The following SLC30A8 variants were observed in gnomAD, a reference collection of about 807,000 sequenced individuals.
SLC30A8 encodes solute carrier family 30 member 8.
Under a neutral mutation model 36.9 loss-of-function variants are expected in SLC30A8, and 27 were observed. That is an observed-to-expected ratio of 0.73 (90% CI 0.54 to 1.01). The LOEUF is 1.01. Among genes scored for constraint, SLC30A8 ranks in the 50% least tolerant of loss-of-function variants. The probability of loss-of-function intolerance (pLI) is 0.00; values close to 1 mark genes in which losing one functional copy is unlikely to be tolerated. For missense variants in SLC30A8, 439 were observed against 452.0 expected (o/e 0.97, Z 0.26); for synonymous variants, 164 against 172.4 (o/e 0.95, Z 0.38).
chr8:117,050,408 CT>C (rs35839871), intron 2 of SLC30A8, among the ~76,000 whole-genome samples: 387 of 143,822 alleles, frequency 2.7e-3, no homozygotes, highest in East Asian at 2.7e-3. Flanking sequence ...TGATTTCTTT[CT>C]TTTTTTTTTT....
chr8:117,121,760 G>T (rs1397469951), intron 2 of SLC30A8, among the ~76,000 whole-genome samples: 2 of 151,966 alleles, frequency 1.3e-5, no homozygotes, highest in Non-Finnish European at 2.9e-5. Flanking sequence ...AATACTGCAT[G>T]ATTCCATTCA....
In SLC30A8 at chr8:117,136,551, A is replaced by G. The variant is rs185870139; in HGVS notation, c.71+1153A>G. Among the ~76,000 whole-genome samples the G allele has an allele frequency of 6.5e-3, 992 of 152,146 alleles. 8 individuals are homozygous for G. Among genetic ancestry groups the G allele is most frequent in the Non-Finnish European group, 0.01 (712 of 67,934 alleles). ...TAGTAACAGCAAAGAGATTTTATAA[A>G]AAGGATATTTATAACTTGGCTTAAA... On this transcript the variant is annotated intron_variant, in intron 1 of 7. Coordinates refer to ENST00000456015, the MANE Select transcript of SLC30A8 (RefSeq NM_173851.3).
intron 2 of SLC30A8, among the ~76,000 whole-genome samples, chr8:117,070,817 ATAAG>A (rs1318881131): frequency 6.6e-6 from 1 of 152,222 alleles, no homozygotes; most frequent in Admixed American, 6.5e-5. Flanking sequence ...GATTCCACAT[ATAAG>A]TGAGATCATG....
chr8:116,960,359 TAGAA>T (rs772120455), intron 1 of SLC30A8, among the ~76,000 whole-genome samples: 17 of 152,320 alleles, frequency 1.1e-4, no homozygotes, highest in Admixed American at 3.9e-4. Context: ...CAGAAGAAGA[TAGAA>T]AGTTCAAAAG....
intron 2 of SLC30A8, among the ~76,000 whole-genome samples, chr8:117,056,729 G>T (rs185902128): frequency 3.7e-4 from 57 of 152,194 alleles, no homozygotes; most frequent in African/African-American, 1.3e-3. Flanking sequence ...CCACTTATAA[G>T]CCCTTTGGGG....
At chr8:117,156,306 G>T (rs1258726978) in intron 3 of SLC30A8, among the ~76,000 whole-genome samples, 1 of 152,172 alleles carries the variant, frequency 6.6e-6, no homozygotes, top group Non-Finnish European at 1.5e-5. Flanking sequence ...GCCTCACAAA[G>T]TGCTGGGATT....
chr8:117,168,638 A>G (rs1258258308), intron 6 of SLC30A8, among the ~76,000 whole-genome samples: 1 of 152,122 alleles, frequency 6.6e-6, no homozygotes, highest in Non-Finnish European at 1.5e-5. Flanking sequence ...TAATGAGATG[A>G]AGGAGACAAG....
At chr8:116,981,334 T>C (rs1815252010) in intron 1 of SLC30A8, among the ~76,000 whole-genome samples, 1 of 152,160 alleles carries the variant, frequency 6.6e-6, no homozygotes, top group Non-Finnish European at 1.5e-5. Context: ...CCTTCCACAG[T>C]CCTCTCTTGG....
intron 2 of SLC30A8, among the ~76,000 whole-genome samples, chr8:117,047,209 A>G (rs2130766358): frequency 6.6e-6 from 1 of 152,334 alleles, no homozygotes; most frequent in African/African-American, 2.4e-5. Context: ...CAACCTTGGT[A>G]AAAGTATTCT....
intron 2 of SLC30A8, among the ~76,000 whole-genome samples, chr8:117,129,350 T>A (rs1821041145): frequency 6.6e-6 from 1 of 152,032 alleles, no homozygotes; most frequent in South Asian, 2.1e-4. Context: ...AAAATAAATA[T>A]TCTTCATTTG....
At chr8:117,073,895 C>A (rs1274013647) in intron 2 of SLC30A8, among the ~76,000 whole-genome samples, 1 of 151,900 alleles carries the variant, frequency 6.6e-6, no homozygotes. Flanking sequence ...AGGGTTGATA[C>A]GTGGGACCTG....
rs1822576579 is a variant in SLC30A8 at position 117,157,827 on chromosome 8, A to G, written c.555A>G (p.Ala185=). Residue 185 remains alanine (A), a synonymous_variant, in exon 4 of 8, where the codon GCA becomes GCG. Transcript: ENST00000456015. The part of the protein sequence containing the change: ...ATVMIIVSSC[A]VAANIVLTVV... ...TGATGATCATCGTTTCCAGCTGCGCAGTGGCGGCCAACATTGTGTAAGTCA... is the reference window on the plus strand; with the variant it reads ...TGATGATCATCGTTTCCAGCTGCGCGGTGGCGGCCAACATTGTGTAAGTCA... 10 of 1,614,102 alleles carry G rather than the reference A, an allele frequency of 6.2e-6. No homozygotes were observed. Among genetic ancestry groups the G allele is most frequent in the Non-Finnish European group, 8.5e-6 (10 of 1,179,988 alleles).
At chr8:117,049,392 G>C (rs575431211) in intron 2 of SLC30A8, among the ~76,000 whole-genome samples, 1 of 152,164 alleles carries the variant, frequency 6.6e-6, no homozygotes. Flanking sequence ...CAAATAGCAC[G>C]TTCTATTGCC....
intron 1 of SLC30A8, among the ~76,000 whole-genome samples, chr8:116,963,091 T>C (rs1814483725): frequency 6.6e-6 from 1 of 152,018 alleles, no homozygotes; most frequent in East Asian, 1.9e-4. Flanking sequence ...TTTAAGAATG[T>C]AGGAAATCTT....
chr8:116,966,620 C>T (rs1814609159), intron 1 of SLC30A8, among the ~76,000 whole-genome samples: 2 of 152,150 alleles, frequency 1.3e-5, no homozygotes, highest in Admixed American at 6.5e-5. Context: ...TTAGGTTCTC[C>T]AGGACTGATG....
intron 1 of SLC30A8, among the ~76,000 whole-genome samples, chr8:117,138,854 G>C (rs1313710399): frequency 6.6e-6 from 1 of 151,990 alleles, no homozygotes; most frequent in Non-Finnish European, 1.5e-5. Flanking sequence ...GTGGTGTAAA[G>C]GTACTACTCA....
At chr8:116,957,163 TAAAG>T (rs1814240103) in intron 1 of SLC30A8, among the ~76,000 whole-genome samples, 1 of 152,240 alleles carries the variant, frequency 6.6e-6, no homozygotes, top group African/African-American at 2.4e-5. Flanking sequence ...TGGGAGTAGT[TAAAG>T]AAACTGAGAT....
At chr8:117,035,864 C>T (rs1313982923) in intron 1 of SLC30A8, among the ~76,000 whole-genome samples, 4 of 150,144 alleles carry the variant, frequency 2.7e-5, no homozygotes, top group African/African-American at 7.2e-5. Flanking sequence ...GTACCTCAGC[C>T]CCCTTTAGCC....
At chr8:117,134,812 AC>A (rs1230034210), upstream of SLC30A8, 2 of 152,040 alleles carry the variant, frequency 1.3e-5, no homozygotes, top group African/African-American at 4.8e-5. Flanking sequence ...GTAAATTCTG[AC>A]AGCTGCTTAG....
Sources: gnomAD v4.1 joint callset for allele counts (sites outside exome capture counted in the v4.1 genomes callset) on GRCh38, gnomAD v4.1.1 for gene constraint, MANE v1.5 for transcripts, NCBI Gene and HGNC (gene_info 2026-07-23, HGNC 2026-07-21) for gene names.